The following RXRA variants were observed in gnomAD, a reference collection of about 807,000 sequenced individuals.
RXRA encodes the protein retinoid X receptor alpha.
In RXRA, 5 loss-of-function variants were observed where a neutral mutation model predicts 44.5. That is an observed-to-expected ratio of 0.11 (90% CI 0.06 to 0.24). The LOEUF (loss-of-function observed/expected upper bound fraction) is 0.24. RXRA is among the 10% of genes least tolerant of loss of function. The pLI, the probability that RXRA is intolerant of heterozygous loss-of-function variation, is 1.00. For missense variants in RXRA, 412 were observed against 646.5 expected (o/e 0.64, Z 3.93); for synonymous variants, 291 against 271.4 (o/e 1.07, Z -0.71).
chr9:134,416,649 C>T (rs1194039507), intron 4 of RXRA, among the ~76,000 whole-genome samples: 5 of 152,034 alleles, frequency 3.3e-5, no homozygotes, highest in East Asian at 1.9e-4. Flanking sequence ...GTCCCTCCCC[C>T]GCCCCCCGCC....
intron 1 of RXRA, among the ~76,000 whole-genome samples, chr9:134,384,680 C>T (rs539990498): frequency 1.3e-5 from 2 of 152,258 alleles, no homozygotes; most frequent in Non-Finnish European, 2.9e-5. Context: ...TGTACTGGGC[C>T]GTCACCCGGT....
At chr9:134,423,151 C>T (rs1350171413) in intron 6 of RXRA, 1 of 985,326 alleles carries the variant, frequency 1.0e-6, no homozygotes, top group Non-Finnish European at 1.2e-6. Flanking sequence ...CTGACTGGGG[C>T]TGGTTCTTGC....
At chr9:134,345,837 G>T (rs542470756) in intron 1 of RXRA, among the ~76,000 whole-genome samples, 44 of 152,280 alleles carry the variant, frequency 2.9e-4, no homozygotes, top group Admixed American at 2.1e-3. Flanking sequence ...GACTAAACAC[G>T]TGTCAGTTCC....
chr9:134,401,628 G>T lies in RXRA; in HGVS notation c.29-4G>T. 1 of 1,612,798 alleles carries T rather than the reference G, an allele frequency of 6.2e-7. No individual in the cohort carries two copies. ...CCACTCTCCTGCGGCTTCTTGTCTTGCAGATTTCTCCACCCAGGTGAACTC... is the reference window on the plus strand; with the variant it reads ...CCACTCTCCTGCGGCTTCTTGTCTTTCAGATTTCTCCACCCAGGTGAACTC... On this transcript the variant is annotated splice_polypyrimidine_tract_variant and splice_region_variant and intron_variant, in intron 1 of 9. Transcript: ENST00000481739.
intron 1 of RXRA, among the ~76,000 whole-genome samples, chr9:134,364,833 G>C (rs958711004): frequency 6.6e-6 from 1 of 152,246 alleles, no homozygotes; most frequent in Non-Finnish European, 1.5e-5. Flanking sequence ...CCCTAGTGTT[G>C]GTGGCTGGGG....
rs375201940 is a variant in RXRA, at chr9:134,409,654, G to C, written c.610+535G>C. ...AGCCAGACCTGGGTCGGAGTCCCGG[G>C]CCCCACAGGCACTGTGACTTCCCAG... On this transcript the variant is annotated intron_variant, in intron 4 of 9. Coordinates refer to ENST00000481739, the MANE Select transcript of RXRA (RefSeq NM_002957.6). 3.3e-5 allele frequency among the ~76,000 whole-genome samples: 5 copies of C among 152,340 alleles called. No homozygotes were observed. In the East Asian group the frequency reaches 5.8e-4, roughly 18 times the overall value.
chr9:134,337,310 G>A (rs1445979096), intron 1 of RXRA, among the ~76,000 whole-genome samples: 3 of 152,134 alleles, frequency 2.0e-5, no homozygotes, highest in African/African-American at 7.2e-5. Flanking sequence ...CTGTCCGTCC[G>A]CTCATCTGTC....
chr9:134,392,210 G>T (rs377124879), intron 1 of RXRA, among the ~76,000 whole-genome samples: 2 of 152,192 alleles, frequency 1.3e-5, no homozygotes, highest in Admixed American at 1.3e-4. Context: ...CGCCCTTTCC[G>T]TGACTCCGCT....
chr9:134,412,968 C>T (rs1413191599), intron 4 of RXRA, among the ~76,000 whole-genome samples: 1 of 152,234 alleles, frequency 6.6e-6, no homozygotes, highest in African/African-American at 2.4e-5. Context: ...GTGGAAACAG[C>T]AGGGTCTGGC....
intron 1 of RXRA, among the ~76,000 whole-genome samples, chr9:134,370,756 C>T (rs899724173): frequency 5.9e-5 from 9 of 152,224 alleles, no homozygotes; most frequent in South Asian, 4.1e-4. Context: ...TGTGTGGCGG[C>T]GCCGGGTGGG....
chr9:134,337,670 G>A (rs925276698), intron 1 of RXRA, among the ~76,000 whole-genome samples: 5 of 152,136 alleles, frequency 3.3e-5, no homozygotes, highest in African/African-American at 1.2e-4. Context: ...CATGAAGGAT[G>A]CGTAGGAGTT....
chr9:134,380,161 C>T (rs1469789478), intron 1 of RXRA: 103 of 985,344 alleles, frequency 1.0e-4, no homozygotes, highest in Non-Finnish European at 1.2e-4. Flanking sequence ...CAAGTCAGGG[C>T]AGGTGCGTGT....
In RXRA at chr9:134,418,530, C is replaced by T. The variant is rs538450538; in HGVS notation, c.780+1203C>T. Among the ~76,000 whole-genome samples, 29 of 152,308 alleles carry T rather than the reference C, an allele frequency of 1.9e-4. 1 individual carries two copies. The South Asian group carries it at 6.0e-3, about 32-fold the overall frequency. The stretch of plus-strand genomic sequence containing the variant: ...TCCGTGCTGGGTGCGCCCTGCAGGT[C>T]ACTGTCTCCCCACCCCCCAGGGCCT... On this transcript the variant is annotated intron_variant, in intron 5 of 9. Transcript: ENST00000481739.
chr9:134,430,173 G>A (rs546040016), intron 7 of RXRA, among the ~76,000 whole-genome samples: 6 of 152,256 alleles, frequency 3.9e-5, no homozygotes, highest in African/African-American at 7.2e-5. Context: ...GGCGTGAGCC[G>A]CCGCGCCCGG....
intron 1 of RXRA, among the ~76,000 whole-genome samples, chr9:134,389,132 C>T (rs751637259): frequency 3.9e-5 from 6 of 152,170 alleles, no homozygotes; most frequent in South Asian, 2.1e-4. Context: ...CTGTCGTGGA[C>T]GCCCTCAGCT....
intron 6 of RXRA, chr9:134,425,637 G>A: frequency 1.0e-6 from 1 of 984,478 alleles, no homozygotes; most frequent in Non-Finnish European, 1.2e-6. Context: ...CCAGGCTTAG[G>A]TAGCAGGCCC....
At chr9:134,429,055 G>T (rs111984610) in intron 6 of RXRA, 53 bp from the exon 7 acceptor site, 84 of 1,604,136 alleles carry the variant, frequency 5.2e-5, no homozygotes, top group Non-Finnish European at 7.2e-5. Flanking sequence ...TGGGGAAGGG[G>T]CGAGCCCCGT....
chr9:134,430,051 A>AT (rs1470337192), intron 7 of RXRA, among the ~76,000 whole-genome samples: 1 of 151,580 alleles, frequency 6.6e-6, no homozygotes, highest in African/African-American at 2.4e-5. Context: ...ACGCCCGGCT[A>AT]TTTTTTTTGT....
chr9:134,355,996 G>A (rs1480952959), intron 1 of RXRA, among the ~76,000 whole-genome samples: 3 of 152,128 alleles, frequency 2.0e-5, no homozygotes, highest in Non-Finnish European at 2.9e-5. Flanking sequence ...ATGGCCGCTG[G>A]GCCCAGACTG....
Sources: allele counts gnomAD v4.1 joint callset (sites outside exome capture counted in the v4.1 genomes callset), GRCh38; gene constraint gnomAD v4.1.1; transcripts MANE v1.5; gene names NCBI Gene and HGNC (gene_info 2026-07-23, HGNC 2026-07-21).